The following SYT16 variants were observed in gnomAD, a reference collection of about 807,000 sequenced individuals.
SYT16 encodes synaptotagmin 16.
Under a neutral mutation model 61.4 loss-of-function variants are expected in SYT16, and 42 were observed. The ratio of observed to expected loss-of-function variants is 0.68; its 90% CI spans 0.53 to 0.89. The LOEUF is 0.89. Among genes scored for constraint, SYT16 ranks in the 40% least tolerant of loss-of-function variants. SYT16 has a pLI of 0.00. For missense variants in SYT16, 804 were observed against 807.3 expected (o/e 1.00, Z 0.05); for synonymous variants, 314 against 302.3 (o/e 1.04, Z -0.40).
At chr14:62,064,570 C>T (rs966277800) in intron 3 of SYT16, among the ~76,000 whole-genome samples, 1 of 152,124 alleles carries the variant, frequency 6.6e-6, no homozygotes, top group African/African-American at 2.4e-5. Context: ...TGATAAAACA[C>T]AGTTGCATCC....
chr14:61,989,697 T>C (rs930842552), intron 2 of SYT16, among the ~76,000 whole-genome samples: 1 of 152,242 alleles, frequency 6.6e-6, no homozygotes, highest in Non-Finnish European at 1.5e-5. Context: ...TGCACTCAGC[T>C]AGTATGATTT....
intron 2 of SYT16, among the ~76,000 whole-genome samples, chr14:61,988,082 AT>A (rs1235410680): frequency 1.3e-5 from 2 of 152,068 alleles, no homozygotes; most frequent in African/African-American, 4.8e-5. Context: ...TGTGGATGTT[AT>A]TTGAGATTTC....
intron 1 of SYT16, among the ~76,000 whole-genome samples, chr14:61,919,726 A>G (rs1160938474): frequency 2.0e-4 from 2 of 10,178 alleles, no homozygotes; most frequent in East Asian, 6.0e-3. Context: ...CCTTAATTCC[A>G]TCTGCACTCT....
intron 1 of SYT16, among the ~76,000 whole-genome samples, chr14:61,878,526 C>T (rs1292775548): frequency 6.6e-6 from 1 of 152,194 alleles, no homozygotes; most frequent in Non-Finnish European, 1.5e-5. Context: ...ATCTCTGGGT[C>T]TACATAGCCA....
chr14:61,848,225 G>T, intron 1 of SYT16, among the ~76,000 whole-genome samples: 1 of 152,242 alleles, frequency 6.6e-6, no homozygotes, highest in Middle Eastern at 3.4e-3. Context: ...TATTTGAAGG[G>T]ATTTGGGTGT....
At chr14:62,083,100 C>T (rs1414184212) in intron 6 of SYT16, among the ~76,000 whole-genome samples, 1 of 152,140 alleles carries the variant, frequency 6.6e-6, no homozygotes, top group Non-Finnish European at 1.5e-5. Flanking sequence ...ACATCTATCA[C>T]GACCACCTAG....
At chr14:62,011,870 TATATACAC>T (rs1166386398) in intron 3 of SYT16, among the ~76,000 whole-genome samples, 48 of 124,090 alleles carry the variant, frequency 3.9e-4, no homozygotes, top group East Asian at 1.1e-3. Flanking sequence ...GGGAACACTA[TATATACAC>T]ACACACACAC....
chr14:61,945,084 A>G (rs1222651269), intron 1 of SYT16, among the ~76,000 whole-genome samples: 3 of 152,254 alleles, frequency 2.0e-5, no homozygotes, highest in Admixed American at 6.5e-5. Context: ...GGATATGAAC[A>G]GACACTTCTT....
chr14:61,838,590 G>A (rs1472819769), intron 1 of SYT16, among the ~76,000 whole-genome samples: 1 of 152,162 alleles, frequency 6.6e-6, no homozygotes, highest in Non-Finnish European at 1.5e-5. Context: ...TCCTGTTCTG[G>A]AGAATATTCC....
intron 1 of SYT16, among the ~76,000 whole-genome samples, chr14:61,881,339 A>G (rs552649192): frequency 6.6e-6 from 1 of 152,204 alleles, no homozygotes; most frequent in Non-Finnish European, 1.5e-5. Context: ...TAAAAGTCCT[A>G]TAGTCATGGT....
intron 2 of SYT16, among the ~76,000 whole-genome samples, chr14:61,980,638 G>T (rs1292088738): frequency 1.3e-5 from 2 of 152,118 alleles, no homozygotes; most frequent in African/African-American, 4.8e-5. Context: ...CACACATTGT[G>T]CTAAGTGCTG....
At chr14:62,001,702 C>T (rs1457356967) in intron 3 of SYT16, among the ~76,000 whole-genome samples, 1 of 152,006 alleles carries the variant, frequency 6.6e-6, no homozygotes, top group Non-Finnish European at 1.5e-5. Flanking sequence ...TCTTGTTCCT[C>T]CTTCTGGTAT....
chr14:62,008,715 T>C (rs1307402009), intron 3 of SYT16, among the ~76,000 whole-genome samples: 1 of 151,732 alleles, frequency 6.6e-6, no homozygotes, highest in African/African-American at 2.4e-5. Flanking sequence ...TTTATACAAG[T>C]GATATAATGC....
intron 1 of SYT16, among the ~76,000 whole-genome samples, chr14:61,815,109 C>T (rs147502757): frequency 1.3e-5 from 2 of 152,174 alleles, no homozygotes; most frequent in African/African-American, 2.4e-5. Context: ...TCAAACAGAT[C>T]GCTGGACTTC....
intron 1 of SYT16, among the ~76,000 whole-genome samples, chr14:61,880,142 T>C (rs371662781): frequency 6.6e-6 from 1 of 152,260 alleles, no homozygotes; most frequent in African/African-American, 2.4e-5. Flanking sequence ...GCCACAGATA[T>C]ACTGGGCATG....
intron 1 of SYT16, among the ~76,000 whole-genome samples, chr14:61,848,672 C>T (rs1410175859): frequency 3.3e-5 from 5 of 152,270 alleles, no homozygotes; most frequent in African/African-American, 1.2e-4. Flanking sequence ...CGCTGAGTTT[C>T]CCTGAGCCAT....
chr14:61,938,328 AG>A (rs2050072238), intron 1 of SYT16, among the ~76,000 whole-genome samples: 1 of 151,952 alleles, frequency 6.6e-6, no homozygotes, highest in Non-Finnish European at 1.5e-5. Context: ...TGGGCCTTCA[AG>A]GGCTTCACAA....
chr14:61,856,510 C>A (rs1291418732), intron 1 of SYT16, among the ~76,000 whole-genome samples: 4 of 152,080 alleles, frequency 2.6e-5, no homozygotes, highest in Non-Finnish European at 5.9e-5. Flanking sequence ...GAAGATCATT[C>A]TAAAGTTTTT....
chr14:61,905,927 T>C (rs139500800), intron 1 of SYT16, among the ~76,000 whole-genome samples: 2 of 152,198 alleles, frequency 1.3e-5, no homozygotes, highest in Admixed American at 6.5e-5. Context: ...CCAGCTATTT[T>C]TGTATTTTTA....
Sources: gnomAD v4.1 joint callset for allele counts (sites outside exome capture counted in the v4.1 genomes callset) on GRCh38, gnomAD v4.1.1 for gene constraint, MANE v1.5 for transcripts, NCBI Gene and HGNC (gene_info 2026-07-23, HGNC 2026-07-21) for gene names.